The following COL9A1 variants were observed in gnomAD, a reference collection of about 807,000 sequenced individuals.
COL9A1 encodes collagen alpha-1(IX) chain.
COL9A1 carries 104 observed loss-of-function variants against 142.6 expected under a neutral mutation model. The ratio of observed to expected loss-of-function variants is 0.73; its 90% CI spans 0.62 to 0.86. COL9A1 has a LOEUF of 0.86. Among genes scored for constraint, COL9A1 ranks in the 40% least tolerant of loss-of-function variants. The pLI, the probability that COL9A1 is intolerant of heterozygous loss-of-function variation, is 0.00. For synonymous variants in COL9A1, 466 were observed against 396.0 expected (o/e 1.18, Z -2.10); for missense variants, 1,210 against 1,176.6 (o/e 1.03, Z -0.42).
chr6:70,219,850 C>T (rs904127448), intron 37 of COL9A1, among the ~76,000 whole-genome samples: 1 of 152,154 alleles, frequency 6.6e-6, no homozygotes, highest in African/African-American at 2.4e-5. Flanking sequence ...TAGAGCCAGC[C>T]AAAAACCTTA....
intron 35 of COL9A1, among the ~76,000 whole-genome samples, chr6:70,233,385 T>A (rs900979930): frequency 6.6e-6 from 1 of 152,194 alleles, no homozygotes; most frequent in African/African-American, 2.4e-5. Flanking sequence ...TTCTTGGGAA[T>A]GGTCAGAGTT....
rs1772039300 is a variant in COL9A1, at chr6:70,266,699, A to C, written c.1341+18T>G. ...ACTCCTAATCACAATTTATCCACTAAATACCCATTTTCCTTACCTTGTGTC... is the reference window on the plus strand; with the variant it reads ...ACTCCTAATCACAATTTATCCACTACATACCCATTTTCCTTACCTTGTGTC... On this transcript the variant is annotated intron_variant, in intron 18 of 37. Transcript: ENST00000357250. The C allele has an allele frequency of 6.2e-7, 1 of 1,602,214 alleles. No homozygotes were observed.
At chr6:70,275,648 G>A (rs1195960959) in intron 10 of COL9A1, among the ~76,000 whole-genome samples, 1 of 151,984 alleles carries the variant, frequency 6.6e-6, no homozygotes, top group Non-Finnish European at 1.5e-5. Context: ...ATTTGGTAAA[G>A]ATACATTTCT....
rs774933771 is a variant in COL9A1 at position 70,260,648 on chromosome 6, C to A, written c.1449+9G>T. On this transcript the variant is annotated intron_variant, in intron 20 of 37. Coordinates refer to ENST00000357250, the MANE Select transcript of COL9A1 (RefSeq NM_001851.6). ...TTTTGGTATTATATTATTGTCATCA[C>A]CATCTTACTTTTTCCCCTTTGTCCC... 2 of 1,612,708 alleles carry A rather than the reference C, an allele frequency of 1.2e-6. No individual in the cohort carries two copies. The highest frequency in any genetic ancestry group is 1.1e-5 in the South Asian group (1 of 91,014).
In COL9A1 at chr6:70,274,009, T is replaced by C. The variant is rs201928243; in HGVS notation, c.1065+38A>G. On this transcript the variant is annotated intron_variant, in intron 12 of 37. Coordinates refer to ENST00000357250, the MANE Select transcript of COL9A1 (RefSeq NM_001851.6). ...ACAATGGCAGAATTTTACCTAAAGA[T>C]AGGAAATTTTCAATTCTGTAGCTTT... 8.0e-5 allele frequency: 111 copies of C among 1,395,938 alleles called. No individual in the cohort carries two copies. In the East Asian group the frequency reaches 2.7e-3, roughly 34 times the overall value. The allele number at this position is 1,395,938 out of a possible 1,614,324, so 86.5% of individuals were successfully genotyped here. A position where few individuals can be genotyped will look rare whatever the true frequency, so the allele number is the denominator to read the frequency against.
intron 33 of COL9A1, among the ~76,000 whole-genome samples, chr6:70,236,595 A>T (rs1167624623): frequency 6.6e-6 from 1 of 152,226 alleles, no homozygotes; most frequent in Non-Finnish European, 1.5e-5. Context: ...CGATGAAGCA[A>T]TGCTTTTACT....
Position 70,270,299 on chromosome 6 carries a change from C to G in COL9A1, c.1197+15G>C. ...TCTCAGACACAAACAGAAATTCAAGCTGCAAATAACTTACTCTGGGTCCTG... is the reference window on the plus strand; with the variant it reads ...TCTCAGACACAAACAGAAATTCAAGGTGCAAATAACTTACTCTGGGTCCTG... On this transcript the variant is annotated intron_variant, in intron 15 of 37. Coordinates refer to ENST00000357250, the MANE Select transcript of COL9A1 (RefSeq NM_001851.6). The G allele has an allele frequency of 6.2e-7, 1 of 1,612,356 alleles. No homozygotes were observed. The highest frequency in any genetic ancestry group is 8.5e-7 in the Non-Finnish European group (1 of 1,178,580).
intron 33 of COL9A1, among the ~76,000 whole-genome samples, chr6:70,237,661 G>A (rs895597015): frequency 1.3e-5 from 2 of 152,298 alleles, no homozygotes; most frequent in African/African-American, 4.8e-5. Context: ...TTTCTAGATA[G>A]TGAAGTAGGA....
chr6:70,240,395 C>T (rs1770170857), intron 32 of COL9A1, among the ~76,000 whole-genome samples: 1 of 152,032 alleles, frequency 6.6e-6, no homozygotes, highest in African/African-American at 2.4e-5. Context: ...ACAGAGGATT[C>T]ACCATCTGTA....
intron 28 of COL9A1, among the ~76,000 whole-genome samples, chr6:70,244,102 A>G (rs1770439978): frequency 6.6e-6 from 1 of 152,248 alleles, no homozygotes. Flanking sequence ...AGGATTAAGA[A>G]CTGTTTGCCA....
chr6:70,229,564 G>A (rs567182186), intron 36 of COL9A1, among the ~76,000 whole-genome samples: 1 of 152,260 alleles, frequency 6.6e-6, no homozygotes, highest in Non-Finnish European at 1.5e-5. Context: ...TATGACATGT[G>A]TGTTTTCTCA....
intron 37 of COL9A1, among the ~76,000 whole-genome samples, chr6:70,221,810 T>C (rs1768895846): frequency 6.6e-6 from 1 of 152,148 alleles, no homozygotes; most frequent in South Asian, 2.1e-4. Context: ...CTAGTCCCAA[T>C]GGGCAAGTTT....
Position 70,261,246 on chromosome 6 carries a change from A to T in COL9A1, c.1396-536T>A, listed in dbSNP as rs550764018. On this transcript the variant is annotated intron_variant, in intron 19 of 37. Coordinates refer to ENST00000357250, the MANE Select transcript of COL9A1 (RefSeq NM_001851.6). ...TTATACCATTCTTATGATGAAAGGC[A>T]TTCTGAATTCCAACTCGGGGCAATA... is the stretch of plus-strand genomic sequence containing the variant. Among the ~76,000 whole-genome samples, 3 of 152,156 alleles carry T rather than the reference A, an allele frequency of 2.0e-5. No homozygotes were observed. The South Asian group carries it at 6.2e-4, about 32-fold the overall frequency.
intron 14 of COL9A1, 115 bp from the exon 15 acceptor site, chr6:70,270,482 T>C: frequency 1.3e-6 from 1 of 795,598 alleles, no homozygotes; most frequent in Non-Finnish European, 1.9e-6. Flanking sequence ...AGCTCAGCCA[T>C]GCATAGACCT....
chr6:70,241,001 G>C (rs1171639581), intron 31 of COL9A1, among the ~76,000 whole-genome samples: 1 of 152,152 alleles, frequency 6.6e-6, no homozygotes, highest in Admixed American at 6.5e-5. Context: ...ATTGGCCCTT[G>C]AAATAGGGAA....
intron 31 of COL9A1, 111 bp from the exon 32 acceptor site, chr6:70,240,844 T>C: frequency 1.2e-6 from 1 of 859,428 alleles, no homozygotes; most frequent in South Asian, 1.4e-5. Context: ...CCCAGAATCA[T>C]GCAGAAATAC....
chr6:70,274,750 G>T lies in COL9A1; in HGVS notation c.998C>A (p.Ser333Tyr), dbSNP rs142602248. 4 of 1,612,748 alleles carry T rather than the reference G, an allele frequency of 2.5e-6. No individual in the cohort carries two copies. Among genetic ancestry groups the T allele is most frequent in the East Asian group, 2.2e-5 (1 of 44,866 alleles). ...GADGLTGPDG[S>Y]PGSIGSKGQK... ...TCCCTTTGACCCAATGGAGCCAGGG[G>T]ATCCATCAGGTCCTGTTAATCCCTA... The change falls in exon 11 of 38, where the codon TCC (serine) becomes TAC (tyrosine). Residue 333 changes from serine (S) to tyrosine (Y), a missense_variant. Transcript: ENST00000357250.
chr6:70,218,825 C>T (rs371962151), intron 37 of COL9A1, among the ~76,000 whole-genome samples: 1 of 140,898 alleles, frequency 7.1e-6, no homozygotes, highest in East Asian at 2.1e-4. Flanking sequence ...GCATACACTT[C>T]GATCCACACA....
At chr6:70,239,309 T>C (rs764360670) in intron 32 of COL9A1, 23 bp from the exon 33 acceptor site, 13 of 1,465,654 alleles carry the variant, frequency 8.9e-6, no homozygotes, top group African/African-American at 1.4e-5. Flanking sequence ...AAGAAATTTA[T>C]GTTAGAACAA....
Sources: gnomAD v4.1 joint callset for allele counts (sites outside exome capture counted in the v4.1 genomes callset) on GRCh38, gnomAD v4.1.1 for gene constraint, MANE v1.5 for transcripts, NCBI Gene and HGNC (gene_info 2026-07-23, HGNC 2026-07-21) for gene names.